Variants in MGAT5 observed in about 807,000 individuals in gnomAD.
MGAT5 encodes alpha-1,6-mannosylglycoprotein 6-beta-N-acetylglucosaminyltransferase A.
Under a neutral mutation model 94.3 loss-of-function variants are expected in MGAT5, and 30 were observed. The observed-to-expected ratio is 0.32, with a 90% CI of 0.24 to 0.43. MGAT5 has a LOEUF of 0.43. Ranked by LOEUF, MGAT5 falls within the 20% of genes least tolerant of loss-of-function variation. The pLI, the probability that MGAT5 is intolerant of heterozygous loss-of-function variation, is 1.00. For missense variants in MGAT5, 691 were observed against 905.5 expected (o/e 0.76, Z 3.04); for synonymous variants, 310 against 322.9 (o/e 0.96, Z 0.43).
At chr2:134,294,367 A>AT (rs1685547590) in intron 2 of MGAT5, among the ~76,000 whole-genome samples, 1 of 152,116 alleles carries the variant, frequency 6.6e-6, no homozygotes, top group South Asian at 2.1e-4. Context: ...CTGCTGGGTG[A>AT]TTTTGCCTCA....
intron 4 of MGAT5, among the ~76,000 whole-genome samples, chr2:134,332,249 A>G (rs1436849723): frequency 3.3e-5 from 5 of 152,134 alleles, no homozygotes; most frequent in African/African-American, 7.2e-5. Flanking sequence ...GATCTAGATC[A>G]ATGGAACAGA....
At chr2:134,411,353 G>A (rs762336009) in intron 11 of MGAT5, among the ~76,000 whole-genome samples, 2 of 151,980 alleles carry the variant, frequency 1.3e-5, no homozygotes, top group Non-Finnish European at 2.9e-5. Context: ...CTGCCCAAGG[G>A]GGAAATGACC....
chr2:134,135,318 G>A (rs1686352815), intron 1 of MGAT5, among the ~76,000 whole-genome samples: 1 of 150,862 alleles, frequency 6.6e-6, no homozygotes, highest in African/African-American at 2.5e-5. Flanking sequence ...ATTGCACTAG[G>A]GGAAATGAAT....
chr2:134,215,116 T>C (rs1680410647), intron 1 of MGAT5, among the ~76,000 whole-genome samples: 1 of 152,250 alleles, frequency 6.6e-6, no homozygotes, highest in South Asian at 2.1e-4. Context: ...CTCATTGCTG[T>C]ATAGTATTCC....
At chr2:134,189,397 C>T (rs1475752114) in intron 1 of MGAT5, among the ~76,000 whole-genome samples, 2 of 152,176 alleles carry the variant, frequency 1.3e-5, no homozygotes, top group Non-Finnish European at 2.9e-5. Flanking sequence ...CAACCAGGGG[C>T]AAAGGCCAGT....
chr2:134,181,998 TAGG>T (rs1309695138), intron 1 of MGAT5, among the ~76,000 whole-genome samples: 1 of 152,200 alleles, frequency 6.6e-6, no homozygotes, highest in Non-Finnish European at 1.5e-5. Context: ...GTGTGATCAC[TAGG>T]AGATTTTATG....
At chr2:134,162,407 T>G (rs1359089731) in intron 1 of MGAT5, among the ~76,000 whole-genome samples, 2 of 152,170 alleles carry the variant, frequency 1.3e-5, no homozygotes, top group African/African-American at 4.8e-5. Context: ...AGGTGTGTCT[T>G]TCTTTTCTAG....
At chr2:134,193,126 T>A (rs998811203) in intron 1 of MGAT5, among the ~76,000 whole-genome samples, 5 of 132,000 alleles carry the variant, frequency 3.8e-5, no homozygotes, top group Admixed American at 3.2e-4. Flanking sequence ...TTATTTTTTA[T>A]TTTTTTTTTT....
At chr2:134,201,224 G>T (rs1679770470) in intron 1 of MGAT5, among the ~76,000 whole-genome samples, 1 of 152,064 alleles carries the variant, frequency 6.6e-6, no homozygotes, top group Admixed American at 6.5e-5. Context: ...GTTGAGACAG[G>T]TTGGGCTGTG....
intron 1 of MGAT5, among the ~76,000 whole-genome samples, chr2:134,190,129 A>G (rs917942137): frequency 1.3e-5 from 2 of 152,082 alleles, no homozygotes; most frequent in African/African-American, 4.8e-5. Context: ...GAATAAATGC[A>G]CCCCAACTTT....
At chr2:134,351,732 T>A (rs752421050) in intron 9 of MGAT5, among the ~76,000 whole-genome samples, 7 of 152,112 alleles carry the variant, frequency 4.6e-5, no homozygotes, top group Non-Finnish European at 5.9e-5. Flanking sequence ...CTTGACTATA[T>A]TTTAAAAAAA....
intron 1 of MGAT5, among the ~76,000 whole-genome samples, chr2:134,239,417 T>C (rs1681847317): frequency 6.6e-6 from 1 of 152,228 alleles, no homozygotes; most frequent in Non-Finnish European, 1.5e-5. Flanking sequence ...ATCTGATTAC[T>C]ACTAGAATAG....
chr2:134,273,644 GTC>G, intron 2 of MGAT5, among the ~76,000 whole-genome samples: 2 of 144,956 alleles, frequency 1.4e-5, no homozygotes, highest in South Asian at 4.4e-4. Context: ...GTGTGTGTGT[GTC>G]TGTGTGTCTC....
At chr2:134,322,334 A>G (rs1371127) in intron 4 of MGAT5, among the ~76,000 whole-genome samples, 24,397 of 152,144 alleles carry the variant, frequency 0.16, 2,536 homozygotes, top group African/African-American at 0.29. Context: ...ACTTCTGGTA[A>G]TATAGAAATT....
At chr2:134,246,374 C>T (rs957678755) in intron 1 of MGAT5, among the ~76,000 whole-genome samples, 2 of 152,110 alleles carry the variant, frequency 1.3e-5, no homozygotes, top group African/African-American at 4.8e-5. Flanking sequence ...GGCACTGGGC[C>T]ATCTGGGGGA....
intron 10 of MGAT5, among the ~76,000 whole-genome samples, chr2:134,373,493 G>A (rs1680949980): frequency 6.6e-6 from 1 of 152,170 alleles, no homozygotes; most frequent in South Asian, 2.1e-4. Context: ...TAAGAATGAG[G>A]TAATTGTGTT....
At chr2:134,171,042 G>A (rs1688178909) in intron 1 of MGAT5, among the ~76,000 whole-genome samples, 1 of 151,948 alleles carries the variant, frequency 6.6e-6, no homozygotes, top group Non-Finnish European at 1.5e-5. Context: ...TGTATTTTTA[G>A]TAGAGATAGG....
intron 11 of MGAT5, among the ~76,000 whole-genome samples, chr2:134,408,317 C>T (rs1031114950): frequency 1.3e-5 from 2 of 152,164 alleles, no homozygotes; most frequent in African/African-American, 4.8e-5. Context: ...TCTTTTACTC[C>T]CCTATCTCCA....
chr2:134,423,741 G>A (rs1229864843), intron 13 of MGAT5, among the ~76,000 whole-genome samples: 1 of 152,184 alleles, frequency 6.6e-6, no homozygotes, highest in Non-Finnish European at 1.5e-5. Context: ...CATGTATAAT[G>A]TAGGGCTAAT....
Sources: gnomAD v4.1 joint callset for allele counts (sites outside exome capture counted in the v4.1 genomes callset) on GRCh38, gnomAD v4.1.1 for gene constraint, MANE v1.5 for transcripts, NCBI Gene and HGNC (gene_info 2026-07-23, HGNC 2026-07-21) for gene names.